The following KIAA1217 variants were observed in gnomAD, a reference collection of about 807,000 sequenced individuals.
KIAA1217 encodes the protein KIAA1217, also known as sickle tail protein homolog.
KIAA1217 carries 88 observed loss-of-function variants against 163.9 expected under a neutral mutation model. That is an observed-to-expected ratio of 0.54 (90% confidence interval 0.45 to 0.64). The LOEUF is 0.64. Ranked by LOEUF, KIAA1217 falls within the 30% of genes least tolerant of loss-of-function variation. The pLI is 0.00. For synonymous variants in KIAA1217, 903 were observed against 923.1 expected (o/e 0.98, Z 0.39); for missense variants, 2,372 against 2,475.0 (o/e 0.96, Z 0.88).
At chr10:24,482,593 T>A (rs1173499566) in intron 6 of KIAA1217, 3 of 152,208 alleles carry the variant, frequency 2.0e-5, no homozygotes, top group Non-Finnish European at 4.4e-5. Context: ...TGTCCTTCTG[T>A]CTGGCGGAAA....
chr10:23,834,673 G>A (rs1432115727), intron 1 of KIAA1217, among the ~76,000 whole-genome samples: 6 of 152,102 alleles, frequency 3.9e-5, no homozygotes, highest in African/African-American at 1.4e-4. Context: ...AATGAAGAAA[G>A]GAACAGGTAG....
At chr10:24,472,283 A>G (rs1263755434) in intron 5 of KIAA1217, among the ~76,000 whole-genome samples, 1 of 152,164 alleles carries the variant, frequency 6.6e-6, no homozygotes, top group Non-Finnish European at 1.5e-5. Context: ...GTGTTCTTCA[A>G]GGGTCCACTG....
chr10:24,468,536 C>T (rs564547893), intron 5 of KIAA1217, among the ~76,000 whole-genome samples: 3 of 152,284 alleles, frequency 2.0e-5, no homozygotes, highest in South Asian at 4.2e-4. Context: ...CTGTCACAAC[C>T]GAATGTTTGT....
chr10:24,208,904 G>A, upstream of KIAA1217: 1 of 350,166 alleles, frequency 2.9e-6, no homozygotes, highest in South Asian at 3.1e-5. Flanking sequence ...CCCTGGCAGA[G>A]CCCAGCCCCC....
chr10:23,958,554 A>T (rs1475255019), intron 1 of KIAA1217, among the ~76,000 whole-genome samples: 5 of 152,358 alleles, frequency 3.3e-5, no homozygotes, highest in African/African-American at 4.8e-5. Context: ...TATTGAAATC[A>T]AATGCACATT....
At chr10:24,434,755 G>A (rs1009870246) in intron 4 of KIAA1217, among the ~76,000 whole-genome samples, 1 of 152,220 alleles carries the variant, frequency 6.6e-6, no homozygotes, top group Admixed American at 6.5e-5. Flanking sequence ...TCAGTTGCTA[G>A]TATGGTCTCT....
intron 2 of KIAA1217, among the ~76,000 whole-genome samples, chr10:24,263,852 T>G (rs1385424731): frequency 6.6e-6 from 1 of 152,090 alleles, no homozygotes; most frequent in African/African-American, 2.4e-5. Context: ...CAGTCATACA[T>G]TCTATCTTTT....
At chr10:23,819,862 C>T (rs1048891564) in intron 1 of KIAA1217, among the ~76,000 whole-genome samples, 3 of 152,094 alleles carry the variant, frequency 2.0e-5, no homozygotes, top group East Asian at 1.9e-4. Context: ...ATTTTTTTAG[C>T]GCTATGCTCT....
chr10:24,164,994 G>T (rs1308766679), intron 2 of KIAA1217, among the ~76,000 whole-genome samples: 1 of 152,186 alleles, frequency 6.6e-6, no homozygotes, highest in Non-Finnish European at 1.5e-5. Context: ...GTGGAAGACT[G>T]GTACCTCTTT....
At chr10:24,438,220 T>G (rs1218327282) in intron 4 of KIAA1217, among the ~76,000 whole-genome samples, 166 bp from the exon 5 acceptor site, 1 of 152,192 alleles carries the variant, frequency 6.6e-6, no homozygotes, top group Non-Finnish European at 1.5e-5. Flanking sequence ...CTTTTCCGTA[T>G]TTATAATTGC....
rs57544504 is a variant in KIAA1217, at chr10:24,107,801, AC to A, written c.-171+100428del. ...GAATCTTTTAACAGACCTTGTACTC[AC>A]ACAAGGGATGAAAGTGTTGCTTAGT... On this transcript the variant is annotated intron_variant, in intron 2 of 18. Transcript: ENST00000376462. Among the ~76,000 whole-genome samples, 441 of 152,328 alleles carry A rather than the reference AC, an allele frequency of 2.9e-3. 6 individuals carry two copies. Among genetic ancestry groups the A allele is most frequent in the African/African-American group, 0.01 (430 of 41,566 alleles).
chr10:24,263,597 T>G (rs2075923990), intron 2 of KIAA1217, among the ~76,000 whole-genome samples: 1 of 152,198 alleles, frequency 6.6e-6, no homozygotes, highest in South Asian at 2.1e-4. Context: ...AAAGGTATAT[T>G]ATCTGTCTCC....
intron 1 of KIAA1217, among the ~76,000 whole-genome samples, chr10:23,981,118 G>A (rs1845751045): frequency 6.6e-6 from 1 of 152,120 alleles, no homozygotes; most frequent in Admixed American, 6.6e-5. Context: ...TACAAACACA[G>A]AACATTTCTG....
At chr10:24,280,067 G>A (rs1280479163) in intron 2 of KIAA1217, among the ~76,000 whole-genome samples, 3 of 152,118 alleles carry the variant, frequency 2.0e-5, no homozygotes, top group Non-Finnish European at 2.9e-5. Flanking sequence ...CATGAGGATC[G>A]GTTTGGTAGA....
At chr10:23,739,073 A>G (rs1224890569) in intron 1 of KIAA1217, among the ~76,000 whole-genome samples, 1 of 152,216 alleles carries the variant, frequency 6.6e-6, no homozygotes, top group Non-Finnish European at 1.5e-5. Flanking sequence ...CACCTATAAA[A>G]AGGAATTAAG....
At chr10:23,937,606 T>C (rs1376908951) in intron 1 of KIAA1217, among the ~76,000 whole-genome samples, 2 of 152,122 alleles carry the variant, frequency 1.3e-5, no homozygotes, top group African/African-American at 4.8e-5. Context: ...TTATAAAAGG[T>C]GGCTGAGAAG....
chr10:24,005,377 G>A (rs141538593), intron 1 of KIAA1217, among the ~76,000 whole-genome samples: 4 of 152,266 alleles, frequency 2.6e-5, no homozygotes, highest in Non-Finnish European at 5.9e-5. Context: ...CTTCACTACA[G>A]GGACAGTCAG....
rs976918526 is a variant in KIAA1217 at position 24,300,312 on chromosome 10, T to C, written c.354+80403T>C. Among the ~76,000 whole-genome samples, 5 of 152,202 alleles carry C rather than the reference T, an allele frequency of 3.3e-5. 1 individual carries two copies. In the South Asian group the frequency reaches 6.2e-4, roughly 19 times the overall value. The stretch of plus-strand genomic sequence containing the variant: ...CCAATTTTTTTAAGTTAAATGCTAG[T>C]TATTAGAAAAGTGACCACATGGCCA... On this transcript the variant is annotated intron_variant, in intron 2 of 20. Coordinates refer to ENST00000376454, the MANE Select transcript of KIAA1217 (RefSeq NM_019590.5).
chr10:23,780,526 G>C (rs1302744547), intron 1 of KIAA1217, among the ~76,000 whole-genome samples: 6 of 152,170 alleles, frequency 3.9e-5, no homozygotes, highest in Non-Finnish European at 7.4e-5. Flanking sequence ...CATTTAGGCT[G>C]ATAACCTCCA....
Sources: allele counts gnomAD v4.1 joint callset (sites outside exome capture counted in the v4.1 genomes callset), GRCh38; gene constraint gnomAD v4.1.1; transcripts MANE v1.5; gene names NCBI Gene and HGNC (gene_info 2026-07-23, HGNC 2026-07-21).